The following NAA15 variants were observed in gnomAD, a reference collection of about 807,000 sequenced individuals.
NAA15 encodes the protein N-terminal acetyltransferase.
NAA15 carries 34 observed loss-of-function variants against 114.0 expected under a neutral mutation model. The ratio of observed to expected loss-of-function variants is 0.30; its 90% confidence interval spans 0.23 to 0.40. The LOEUF (loss-of-function observed/expected upper bound fraction) is 0.40. NAA15 is among the 10% of genes least tolerant of loss of function. The pLI is 1.00. For synonymous variants in NAA15, 340 were observed against 338.0 expected (o/e 1.01, Z -0.06); for missense variants, 658 against 1,004.5 (o/e 0.66, Z 4.66).
chr4:139,321,349 A>G (rs1191636077), intron 1 of NAA15, among the ~76,000 whole-genome samples: 2 of 151,656 alleles, frequency 1.3e-5, no homozygotes, highest in Non-Finnish European at 2.9e-5. Flanking sequence ...TTTTGTGGAG[A>G]ATCTGGGTCT....
At chr4:139,361,084 C>T (rs940179885) in intron 13 of NAA15, among the ~76,000 whole-genome samples, 1 of 152,118 alleles carries the variant, frequency 6.6e-6, no homozygotes. Context: ...TCTTAATTCT[C>T]TTCACGTCTG....
intron 5 of NAA15, among the ~76,000 whole-genome samples, chr4:139,343,475 C>T (rs1397630746): frequency 6.6e-6 from 1 of 152,156 alleles, no homozygotes; most frequent in Non-Finnish European, 1.5e-5. Context: ...TTCTCTTCAG[C>T]CTCTTTTAAT....
At chr4:139,317,845 A>G (rs1203038671) in intron 1 of NAA15, among the ~76,000 whole-genome samples, 1 of 152,202 alleles carries the variant, frequency 6.6e-6, no homozygotes, top group African/African-American at 2.4e-5. Flanking sequence ...CTATGAGGTT[A>G]TATTTTATAG....
Position 139,349,513 on chromosome 4 carries a change from G to A in NAA15, c.743G>A (p.Arg248Lys), listed in dbSNP as rs1579113779. The change falls in exon 7 of 20, where the codon AGA becomes AAA. Residue 248 changes from arginine to lysine, a missense_variant. By Grantham distance (26) the Arg-to-Lys change is conservative. This residue lies in a region of NAA15 where 281 missense variants were observed against 389.1 expected (regional missense o/e 0.72). Transcript: ENST00000296543. ...TTGGAAGATGCTGCAGATGTTTATA[G>A]AGGATTGCAAGAGAGAAATCCTGAA... ...CRLEDAADVY[R>K]GLQERNPENW... 6.2e-7 allele frequency: 1 copy of A among 1,611,362 alleles called. No individual in the cohort carries two copies. The highest frequency in any genetic ancestry group is 1.1e-5 in the South Asian group (1 of 90,118).
At position 139,390,620 on chromosome 4, in the gene NAA15, C is replaced by CT. The variant is rs755732762; in HGVS notation, c.*2541dup. ...TGTATTAACATAGGAAAGTAAAGTT[C>CT]TTTTTGTTTTTCTTTATATTCAGCT... On this transcript the variant is annotated 3_prime_UTR_variant, in exon 20 of 20. Transcript: ENST00000296543. The CT allele has an allele frequency of 1.3e-5, 2 of 152,592 alleles. No individual in the cohort carries two copies. The highest frequency in any genetic ancestry group is 2.9e-5 in the Non-Finnish European group (2 of 68,016). 9.5% of individuals were successfully genotyped at this position (152,592 alleles called of 1,614,324 possible).
At chr4:139,363,148 T>A (rs1748181346) in intron 14 of NAA15, among the ~76,000 whole-genome samples, 1 of 152,214 alleles carries the variant, frequency 6.6e-6, no homozygotes, top group Non-Finnish European at 1.5e-5. Flanking sequence ...GCTGGACAAT[T>A]TACTGTTAAA....
At chr4:139,353,228 A>G (rs1463947179) in intron 9 of NAA15, among the ~76,000 whole-genome samples, 1 of 152,212 alleles carries the variant, frequency 6.6e-6, no homozygotes. Flanking sequence ...AACTGATTCA[A>G]AGATGTTTGA....
intron 1 of NAA15, among the ~76,000 whole-genome samples, chr4:139,315,078 T>TAG (rs1253703101): frequency 2.8e-5 from 4 of 144,970 alleles, no homozygotes; most frequent in African/African-American, 1.0e-4. Context: ...TAGTTTAGTT[T>TAG]TTGAGACGGA....
chr4:139,364,785 G>C (rs899651484), intron 14 of NAA15, among the ~76,000 whole-genome samples: 1 of 152,122 alleles, frequency 6.6e-6, no homozygotes, highest in African/African-American at 2.4e-5. Flanking sequence ...GAATTAGCTT[G>C]TCTTCCAGAA....
intron 1 of NAA15, among the ~76,000 whole-genome samples, chr4:139,306,905 C>T (rs1447834547): frequency 2.0e-5 from 3 of 152,158 alleles, no homozygotes; most frequent in Non-Finnish European, 4.4e-5. Context: ...CTGCTGCTTC[C>T]TTCTCTCTTT....
In NAA15 at chr4:139,351,562, G is replaced by T; in HGVS notation, c.965G>T (p.Cys322Phe). 1.2e-6 allele frequency: 2 copies of T among 1,607,012 alleles called. No individual in the cohort carries two copies. Among genetic ancestry groups the T allele is most frequent in the Non-Finnish European group, 1.7e-6 (2 of 1,173,716 alleles). Residue 322 changes from cysteine to phenylalanine, a missense_variant, in exon 9 of 20, where the codon TGC (cysteine) becomes TTC (phenylalanine). This residue lies in a region of NAA15 where 281 missense variants were observed against 389.1 expected (regional missense o/e 0.72). Coordinates refer to ENST00000296543, the MANE Select transcript of NAA15 (RefSeq NM_057175.5). Reference protein sequence around the residue: ...KFLRMNFSKGCPPVFNTLRSL... With the variant: ...KFLRMNFSKGFPPVFNTLRSL... ...CTAAGGATGAATTTCAGCAAGGGTT[G>T]CCCACCAGTCTTCAATACTTTAAGA...
chr4:139,378,689 G>T lies in NAA15; in HGVS notation c.2057-67G>T. The T allele has an allele frequency of 4.4e-6, 4 of 914,462 alleles. 1 individual carries two copies. The highest frequency in any genetic ancestry group is 6.6e-6 in the Non-Finnish European group (4 of 606,420). 56.6% of individuals were successfully genotyped at this position (914,462 alleles called of 1,614,324 possible). ...TAAATTTACTTTTTCTATTTGTGAA[G>T]TCTTGGCCCTCCAAAGGAGGCCTCT... On this transcript the variant is annotated intron_variant, in intron 16 of 19. Transcript: ENST00000296543.
At chr4:139,383,995 G>A (rs984158538) in intron 17 of NAA15, among the ~76,000 whole-genome samples, 1 of 152,160 alleles carries the variant, frequency 6.6e-6, no homozygotes, top group African/African-American at 2.4e-5. Context: ...TTACCAGGTG[G>A]GTATTCCCAA....
Position 139,363,346 on chromosome 4 carries a change from C to T in NAA15, c.1753+1409C>T, listed in dbSNP as rs116576733. On this transcript the variant is annotated intron_variant, in intron 14 of 19. Coordinates refer to ENST00000296543, the MANE Select transcript of NAA15 (RefSeq NM_057175.5). Reference sequence around the variant, plus strand: ...TTCTCCCACCCATTCTTCATTCCAGCAATTATCCCTGTGAAAGGATCAATT... The same window carrying T: ...TTCTCCCACCCATTCTTCATTCCAGTAATTATCCCTGTGAAAGGATCAATT... Among the ~76,000 whole-genome samples, 390 of 152,290 alleles carry T rather than the reference C, an allele frequency of 2.6e-3. 2 individuals carry two copies. Among genetic ancestry groups the T allele is most frequent in the African/African-American group, 8.2e-3 (342 of 41,562 alleles).
intron 1 of NAA15, among the ~76,000 whole-genome samples, chr4:139,327,038 G>T (rs867716865): frequency 3.3e-5 from 5 of 151,946 alleles, no homozygotes; most frequent in Middle Eastern, 3.4e-3. Context: ...TAGGCTCAAG[G>T]AATCCTCCTG....
At chr4:139,349,629 A>G in intron 7 of NAA15, 48 bp downstream of exon 7, 4 of 1,507,892 alleles carry the variant, frequency 2.7e-6, no homozygotes, top group Non-Finnish European at 2.7e-6. Context: ...TTTTGTTAAT[A>G]TATATTTTAT....
rs192403915 is a variant in NAA15, at chr4:139,342,967, A to T, written c.537+7A>T. ...ATTTAGGAAAACACAACAGGTAATA[A>T]CTAGAAGCCATTTTACTAAGTCTGA... On this transcript the variant is annotated splice_region_variant and intron_variant, in intron 5 of 19. Coordinates refer to ENST00000296543, the MANE Select transcript of NAA15 (RefSeq NM_057175.5). The T allele has an allele frequency of 6.2e-7, 1 of 1,608,494 alleles. No individual in the cohort carries two copies. The highest frequency in any genetic ancestry group is 1.3e-5 in the African/African-American group (1 of 74,850).
chr4:139,355,956 T>C (rs1397239873), intron 10 of NAA15, among the ~76,000 whole-genome samples: 1 of 152,252 alleles, frequency 6.6e-6, no homozygotes, highest in African/African-American at 2.4e-5. Context: ...TGTTTCAGTT[T>C]ACATAGGAAA....
chr4:139,353,943 T>C, intron 9 of NAA15, 83 bp from the exon 10 acceptor site: 2 of 1,058,436 alleles, frequency 1.9e-6, no homozygotes, highest in Non-Finnish European at 2.9e-6. Flanking sequence ...ATTTAGTGTT[T>C]TAGTAGAAAA....
Sources: gnomAD v4.1 joint callset for allele counts (sites outside exome capture counted in the v4.1 genomes callset) on GRCh38, gnomAD v4.1.1 for gene constraint, gnomAD v4.1.1 regional missense constraint, MANE v1.5 for transcripts, NCBI Gene and HGNC (gene_info 2026-07-23, HGNC 2026-07-21) for gene names.